TBRG1: variants seen among roughly 807,000 people sequenced by gnomAD.
TBRG1 encodes transforming growth factor beta regulator 1.
In TBRG1, 31 loss-of-function variants were observed where a neutral mutation model predicts 44.0. The observed-to-expected ratio is 0.70, with a 90% CI of 0.53 to 0.95. The LOEUF (loss-of-function observed/expected upper bound fraction) is 0.95, where lower values mean the gene tolerates loss of function less well. Ranked by LOEUF, TBRG1 falls within the 40% of genes least tolerant of loss-of-function variation. The probability of loss-of-function intolerance (pLI) is 0.00; values close to 1 mark genes in which losing one functional copy is unlikely to be tolerated. For synonymous variants in TBRG1, 171 were observed against 188.1 expected, an observed-to-expected ratio of 0.91 and a Z score of 0.74; for missense variants, 487 against 496.1, an observed-to-expected ratio of 0.98 and a Z score of 0.18.
chr11:124,624,824 CT>C (rs1234064359), intron 1 of TBRG1, 106 bp from the exon 2 acceptor site: 9 of 740,922 alleles, frequency 1.2e-5, no homozygotes, highest in Non-Finnish European at 2.1e-5. Context: ...GCTCCTTCTT[CT>C]CAGTAATACA....
rs751383846 is a variant in TBRG1, at chr11:124,626,607, G to A, written c.589G>A (p.Glu197Lys). ...GGGTCTAACAGTATATAGCCTGGGG[G>A]AGGTGAGTGAGACCAGCGATATATA... ...LGGLTVYSLG[E>K]IITDRPGFHD... is the part of the protein sequence containing the mutation. Residue 197 changes from glutamate (E) to lysine (K), a missense_variant and splice_region_variant, in exon 4 of 9, where the codon GAG (glutamate) becomes AAG (lysine). Coordinates refer to ENST00000441174, the MANE Select transcript of TBRG1 (RefSeq NM_032811.3). 3 of 1,551,566 alleles carry A rather than the reference G, an allele frequency of 1.9e-6. No individual in the cohort carries two copies. The South Asian group carries it at 3.6e-5, about 18-fold the overall frequency.
In TBRG1 at chr11:124,633,621, C is replaced by T. The variant is rs925016594; in HGVS notation, c.*1383C>T. The stretch of plus-strand genomic sequence containing the variant: ...ACACTGGCCACTGTAAACTGAGAAG[C>T]TAAGTTAACTGGTATTTTATGATTT... On this transcript the variant is annotated 3_prime_UTR_variant, in exon 9 of 9. Transcript: ENST00000441174. 6.6e-6 allele frequency: 1 copy of T among 152,198 alleles called. No homozygotes were observed. The highest frequency in any genetic ancestry group is 2.4e-5 in the African/African-American group (1 of 41,444). 9.4% of individuals were successfully genotyped at this position (152,198 alleles called of 1,614,324 possible).
rs1214513521 is a variant in TBRG1, at chr11:124,635,378, A to G, written c.*3140A>G. On this transcript the variant is annotated 3_prime_UTR_variant, in exon 9 of 9. Transcript: ENST00000441174. ...ATTTTTTGTTTTTTAACTAAATAAA[A>G]TCTTGGCACTGACAAAGTTATTCCT... 6.6e-6 allele frequency: 1 copy of G among 152,144 alleles called. No homozygotes were observed. Among genetic ancestry groups the G allele is most frequent in the African/African-American group, 2.4e-5 (1 of 41,418 alleles). The allele number at this position is 152,144 out of a possible 1,614,324, so 9.4% of individuals were successfully genotyped here. A position where few individuals can be genotyped will look rare whatever the true frequency, so the allele number is the denominator to read the frequency against.
chr11:124,623,762 T>C (rs1942394255), intron 1 of TBRG1, among the ~76,000 whole-genome samples: 1 of 152,222 alleles, frequency 6.6e-6, no homozygotes, highest in Non-Finnish European at 1.5e-5. Flanking sequence ...AAACTGTCAG[T>C]AATTTCCCCC....
chr11:124,627,893 G>A (rs939487015), intron 5 of TBRG1, among the ~76,000 whole-genome samples: 1 of 151,534 alleles, frequency 6.6e-6, no homozygotes, highest in Non-Finnish European at 1.5e-5. Context: ...TTGAAAAGCC[G>A]ATTCTTAATT....
At chr11:124,624,604 G>A (rs1942415155) in intron 1 of TBRG1, among the ~76,000 whole-genome samples, 1 of 152,078 alleles carries the variant, frequency 6.6e-6, no homozygotes, top group Admixed American at 6.5e-5. Context: ...CTTTGCCAAA[G>A]GCTATACTAA....
intron 5 of TBRG1, among the ~76,000 whole-genome samples, chr11:124,627,874 T>C (rs1425321178): frequency 2.0e-5 from 3 of 151,872 alleles, no homozygotes; most frequent in African/African-American, 7.3e-5. Context: ...ATCAAAATCC[T>C]AGTAGAAATT....
At chr11:124,631,135 T>C (rs2134336801) in intron 7 of TBRG1, 140 bp from the exon 8 acceptor site, 1 of 859,668 alleles carries the variant, frequency 1.2e-6, no homozygotes, top group Admixed American at 3.1e-5. Context: ...CTTATTTCTT[T>C]TAGGTTTTTG....
rs1942678726 is a variant in TBRG1 at position 124,634,473 on chromosome 11, C to A, written c.*2235C>A. 1 of 152,028 alleles carries A rather than the reference C, an allele frequency of 6.6e-6. No homozygotes were observed. The highest frequency in any genetic ancestry group is 1.5e-5 in the Non-Finnish European group (1 of 68,016). The allele number at this position is 152,028 out of a possible 1,614,324, so 9.4% of individuals were successfully genotyped here. A position where few individuals can be genotyped will look rare whatever the true frequency, so the allele number is the denominator to read the frequency against. ...GAGGGTGAGGGCAAAAAAAGGACTACCTTGGTGAGAATGTAAGTTGTTTAA... is the reference window on the plus strand; with the variant it reads ...GAGGGTGAGGGCAAAAAAAGGACTAACTTGGTGAGAATGTAAGTTGTTTAA... On this transcript the variant is annotated 3_prime_UTR_variant, in exon 9 of 9. Coordinates refer to ENST00000441174, the MANE Select transcript of TBRG1 (RefSeq NM_032811.3).
chr11:124,623,333 G>T, intron 1 of TBRG1, 100 bp downstream of exon 1: 1 of 1,358,820 alleles, frequency 7.4e-7, no homozygotes, highest in Non-Finnish European at 1.0e-6. Flanking sequence ...TATTAATACA[G>T]TGTTGGCTTT....
Position 124,634,257 on chromosome 11 carries a change from C to A in TBRG1, c.*2019C>A, listed in dbSNP as rs1291837403. On this transcript the variant is annotated 3_prime_UTR_variant, in exon 9 of 9. Transcript: ENST00000441174. Reference sequence around the variant, plus strand: ...GCTGAGGCAGGAAGAATCGCTTGAACCCGGGAGGCAGAGGTTGCAGTGAGC... The same window carrying A: ...GCTGAGGCAGGAAGAATCGCTTGAAACCGGGAGGCAGAGGTTGCAGTGAGC... 6.6e-6 allele frequency: 1 copy of A among 152,354 alleles called. No individual in the cohort carries two copies. Among genetic ancestry groups the A allele is most frequent in the Non-Finnish European group, 1.5e-5 (1 of 68,148 alleles). 9.4% of individuals were successfully genotyped at this position (152,354 alleles called of 1,614,324 possible). A position where few individuals can be genotyped will look rare whatever the true frequency, so the allele number is the denominator to read the frequency against.
rs1591378765 is a variant in TBRG1, at chr11:124,633,721, G to A, written c.*1483G>A. On this transcript the variant is annotated 3_prime_UTR_variant, in exon 9 of 9. Transcript: ENST00000441174. ...CAAACTTTGTATAATAGCAAATCGG[G>A]AAGGGGACTGCTTAAAATGTTAATG... is the stretch of plus-strand genomic sequence containing the variant. 6.6e-6 allele frequency: 1 copy of A among 152,028 alleles called. No individual in the cohort carries two copies. Among genetic ancestry groups the A allele is most frequent in the Middle Eastern group, 3.4e-3 (1 of 294 alleles). 9.4% of individuals were successfully genotyped at this position (152,028 alleles called of 1,614,324 possible).
Position 124,622,970 on chromosome 11 carries a change from C to G in TBRG1, c.-114C>G, listed in dbSNP as rs1327037922. The G allele has an allele frequency of 3.3e-6, 4 of 1,204,942 alleles. No individual in the cohort carries two copies. Among genetic ancestry groups the G allele is most frequent in the Non-Finnish European group, 4.5e-6 (4 of 888,210 alleles). The allele number at this position is 1,204,942 out of a possible 1,614,324, so 74.6% of individuals were successfully genotyped here. ...TGGGAACGTCCCGGAGAGCTAGATT[C>G]CTAGAGGCCCGATTCCGCTAGCCCG... On this transcript the variant is annotated 5_prime_UTR_variant, in exon 1 of 9. Transcript: ENST00000441174.
At chr11:124,625,604 T>C in intron 2 of TBRG1, 67 bp from the exon 3 acceptor site, 2 of 1,415,504 alleles carry the variant, frequency 1.4e-6, no homozygotes, top group Non-Finnish European at 1.9e-6. Flanking sequence ...TCCCAGTACT[T>C]GAGTAAAATA....
intron 8 of TBRG1, 97 bp downstream of exon 8, chr11:124,631,514 T>G: frequency 7.7e-7 from 1 of 1,292,076 alleles, no homozygotes; most frequent in Non-Finnish European, 1.1e-6. Flanking sequence ...ATCTATGCAT[T>G]GAGTGATAAA....
chr11:124,630,673 A>G, intron 6 of TBRG1, 72 bp from the exon 7 acceptor site: 2 of 1,168,666 alleles, frequency 1.7e-6, no homozygotes, highest in Non-Finnish European at 2.5e-6. Flanking sequence ...TGTTCATACC[A>G]CTATTCTGTT....
chr11:124,629,209 T>G lies in TBRG1; in HGVS notation c.739-1179T>G, dbSNP rs191073316. 8.5e-3 allele frequency among the ~76,000 whole-genome samples: 1,288 copies of G among 152,262 alleles called. 9 individuals are homozygous for G. Among genetic ancestry groups the G allele is most frequent in the Middle Eastern group, 0.054 (16 of 294 alleles). On this transcript the variant is annotated intron_variant, in intron 5 of 8. Coordinates refer to ENST00000441174, the MANE Select transcript of TBRG1 (RefSeq NM_032811.3). The stretch of plus-strand genomic sequence containing the variant: ...GCAAAATTAGCCGGGCCTGGTGGCG[T>G]GCGCCTGTAGTCCCAGCTGCTGGGG...
chr11:124,624,880 T>G, intron 1 of TBRG1, 51 bp from the exon 2 acceptor site: 1 of 1,161,192 alleles, frequency 8.6e-7, no homozygotes, highest in South Asian at 1.4e-5. Flanking sequence ...AGCATAATAA[T>G]GTGATTTTTT....
At position 124,632,725 on chromosome 11, in the gene TBRG1, G is replaced by T. The variant is rs1192118982; in HGVS notation, c.*487G>T. 1.3e-5 allele frequency: 2 copies of T among 154,060 alleles called. No individual in the cohort carries two copies. Among genetic ancestry groups the T allele is most frequent in the East Asian group, 3.8e-4 (2 of 5,234 alleles). 9.5% of individuals were successfully genotyped at this position (154,060 alleles called of 1,614,324 possible). A position where few individuals can be genotyped will look rare whatever the true frequency, so the allele number is the denominator to read the frequency against. On this transcript the variant is annotated 3_prime_UTR_variant, in exon 9 of 9. Transcript: ENST00000441174. ...GTGTCCTCACGTGGTAGAAGAGGAA[G>T]GCAGCTCTCCGGGGTCCCTTTTATA... is the stretch of plus-strand genomic sequence containing the variant.
Sources: gnomAD v4.1 joint callset for allele counts (sites outside exome capture counted in the v4.1 genomes callset) on GRCh38, gnomAD v4.1.1 for gene constraint, MANE v1.5 for transcripts, NCBI Gene and HGNC (gene_info 2026-07-23, HGNC 2026-07-21) for gene names.